KHDRBS2: variants seen among roughly 807,000 people sequenced by gnomAD.
The protein encoded by KHDRBS2 is KH RNA binding domain containing, signal transduction associated 2, also known as KH domain-containing, RNA-binding, signal transduction-associated protein 2.
A neutral mutation model predicts 44.3 loss-of-function variants in KHDRBS2; 26 were observed. The observed-to-expected ratio is 0.59, with a 90% confidence interval of 0.43 to 0.81. The LOEUF (loss-of-function observed/expected upper bound fraction) is 0.81, where lower values mean the gene tolerates loss of function less well. KHDRBS2 is among the 40% of genes least tolerant of loss of function. KHDRBS2 has a pLI of 0.00. For missense variants in KHDRBS2, 476 were observed against 433.1 expected (o/e 1.10, Z -0.88); for synonymous variants, 194 against 151.1 (o/e 1.28, Z -2.08).
chr6:61,613,476 G>T, the KHDRBS2 span, among the ~76,000 whole-genome samples: 1 of 152,130 alleles, frequency 6.6e-6, no homozygotes, highest in East Asian at 1.9e-4. Flanking sequence ...GATGACATTT[G>T]TTGTGTAAAA....
intron 2 of KHDRBS2, among the ~76,000 whole-genome samples, chr6:62,153,492 A>AT (rs1815673539): frequency 1.1e-5 from 1 of 93,534 alleles, no homozygotes; most frequent in Admixed American, 9.5e-5. Flanking sequence ...TTCAGCCTTT[A>AT]TATTTTTTTT....
In KHDRBS2 at chr6:61,945,137, A is replaced by ATATATG. The variant is rs1813074171; in HGVS notation, c.483+32928_483+32929insCATATA. 3.2e-4 allele frequency among the ~76,000 whole-genome samples: 33 copies of ATATATG among 104,596 alleles called. 2 individuals are homozygous for ATATATG. In the South Asian group the frequency reaches 6.6e-3, roughly 21 times the overall value. 68.6% of individuals were successfully genotyped at this position (104,596 alleles called of 152,430 possible). A position where few individuals can be genotyped will look rare whatever the true frequency, so the allele number is the denominator to read the frequency against. On this transcript the variant is annotated intron_variant, in intron 4 of 8. Coordinates refer to ENST00000281156, the MANE Select transcript of KHDRBS2 (RefSeq NM_152688.4). ...AGTATATATATATATATATATATAT[A>ATATATG]TATATATATATATACACACAGACTT...
At chr6:62,007,312 G>A (rs2127265421) in intron 3 of KHDRBS2, among the ~76,000 whole-genome samples, 1 of 151,866 alleles carries the variant, frequency 6.6e-6, no homozygotes, top group South Asian at 2.1e-4. Flanking sequence ...TCCAGTAAAG[G>A]TCCAGTTCTG....
At chr6:61,822,990 G>T (rs921485402) in intron 6 of KHDRBS2, among the ~76,000 whole-genome samples, 1 of 151,974 alleles carries the variant, frequency 6.6e-6, no homozygotes, top group Non-Finnish European at 1.5e-5. Flanking sequence ...TTCCTATGTG[G>T]GTAGTTTTTT....
At chr6:62,137,262 A>G (rs528985883) in intron 2 of KHDRBS2, among the ~76,000 whole-genome samples, 4 of 151,970 alleles carry the variant, frequency 2.6e-5, no homozygotes, top group Non-Finnish European at 5.9e-5. Context: ...TGGCCTCCCA[A>G]AGTGCTGGGA....
the KHDRBS2 span, among the ~76,000 whole-genome samples, chr6:61,555,981 G>T: frequency 1.3e-5 from 2 of 152,184 alleles, no homozygotes; most frequent in East Asian, 3.9e-4. Context: ...GTGGCAGTGG[G>T]GTTCATGCTC....
intron 2 of KHDRBS2, among the ~76,000 whole-genome samples, chr6:62,074,320 C>G (rs1795902862): frequency 1.3e-5 from 2 of 151,858 alleles, no homozygotes. Context: ...ACACAGAGAT[C>G]CTGCACCCAG....
chr6:62,209,861 A>G (rs1828722695), intron 1 of KHDRBS2, among the ~76,000 whole-genome samples: 1 of 152,114 alleles, frequency 6.6e-6, no homozygotes, highest in Non-Finnish European at 1.5e-5. Flanking sequence ...GGACTCTTGA[A>G]TTCACACCAG....
At chr6:61,640,567 T>C in the KHDRBS2 span, among the ~76,000 whole-genome samples, 7 of 152,060 alleles carry the variant, frequency 4.6e-5, no homozygotes, top group Non-Finnish European at 8.8e-5. Flanking sequence ...TTTTCACTGT[T>C]CTCTAAGGAC....
At chr6:61,718,050 T>C (rs1389386986) in intron 7 of KHDRBS2, among the ~76,000 whole-genome samples, 1 of 152,044 alleles carries the variant, frequency 6.6e-6, no homozygotes, top group Admixed American at 6.6e-5. Context: ...ATTTTCTCTA[T>C]ATAAAATGAG....
At chr6:62,062,448 C>T (rs982972368) in intron 2 of KHDRBS2, among the ~76,000 whole-genome samples, 3 of 151,486 alleles carry the variant, frequency 2.0e-5, no homozygotes, top group African/African-American at 7.3e-5. Context: ...ACAGTGCAAT[C>T]AAACTAGAAC....
intron 2 of KHDRBS2, among the ~76,000 whole-genome samples, chr6:62,105,200 A>T (rs1802887480): frequency 6.6e-6 from 1 of 152,180 alleles, no homozygotes; most frequent in South Asian, 2.1e-4. Context: ...AACACTTAAA[A>T]TAGAAGTAAT....
At chr6:61,668,806 TA>T in the KHDRBS2 span, among the ~76,000 whole-genome samples, 3 of 151,008 alleles carry the variant, frequency 2.0e-5, no homozygotes, top group Admixed American at 2.0e-4. Context: ...CTAAATATAA[TA>T]AGGTATAAAA....
intron 3 of KHDRBS2, among the ~76,000 whole-genome samples, chr6:61,990,203 T>G (rs1775864882): frequency 6.6e-6 from 1 of 152,126 alleles, no homozygotes; most frequent in Admixed American, 6.6e-5. Context: ...TTCAGTAGAT[T>G]AAATTAAGAA....
chr6:61,742,247 C>T (rs1017586044), intron 6 of KHDRBS2, among the ~76,000 whole-genome samples: 18 of 151,852 alleles, frequency 1.2e-4, no homozygotes, highest in African/African-American at 2.4e-5. Context: ...TTCTTAAAAA[C>T]GTGTCCCTGT....
chr6:61,839,582 C>T (rs567335395), intron 6 of KHDRBS2, among the ~76,000 whole-genome samples: 8 of 152,162 alleles, frequency 5.3e-5, no homozygotes, highest in Admixed American at 3.3e-4. Flanking sequence ...CTCTCTTACT[C>T]TTCTAATTTA....
At chr6:61,733,081 C>A (rs977587757) in intron 6 of KHDRBS2, among the ~76,000 whole-genome samples, 3 of 152,082 alleles carry the variant, frequency 2.0e-5, no homozygotes, top group African/African-American at 7.2e-5. Context: ...TATACAAGAA[C>A]AACTGTGCTA....
intron 4 of KHDRBS2, among the ~76,000 whole-genome samples, chr6:61,902,918 T>A (rs1318304676): frequency 6.6e-6 from 1 of 152,162 alleles, no homozygotes; most frequent in Admixed American, 6.6e-5. Flanking sequence ...ACTGCCTTGA[T>A]TACAAGCAAA....
At chr6:61,668,099 G>C in the KHDRBS2 span, among the ~76,000 whole-genome samples, 1 of 150,764 alleles carries the variant, frequency 6.6e-6, no homozygotes, top group African/African-American at 2.4e-5. Flanking sequence ...GCTTGCAAGA[G>C]GGTCTATTTT....
Sources: allele counts gnomAD v4.1 joint callset (sites outside exome capture counted in the v4.1 genomes callset), GRCh38; gene constraint gnomAD v4.1.1; transcripts MANE v1.5; gene names NCBI Gene and HGNC (gene_info 2026-07-23, HGNC 2026-07-21).